CCDC178: variants seen among roughly 807,000 people sequenced by gnomAD.
CCDC178 encodes the protein coiled-coil domain-containing protein 178.
CCDC178 carries 126 observed loss-of-function variants against 117.4 expected under a neutral mutation model. The ratio of observed to expected loss-of-function variants is 1.07; its 90% confidence interval spans 0.93 to 1.24. The LOEUF (loss-of-function observed/expected upper bound fraction) is 1.24. Ranked by LOEUF, CCDC178 falls within the 50% of genes most tolerant of loss-of-function variation. CCDC178 has a pLI of 0.00. For synonymous variants in CCDC178, 283 were observed against 313.4 expected (o/e 0.90, Z 1.02); for missense variants, 1,030 against 986.9 (o/e 1.04, Z -0.59).
At chr18:33,008,135 G>A (rs574127571) in intron 21 of CCDC178, among the ~76,000 whole-genome samples, 1 of 151,966 alleles carries the variant, frequency 6.6e-6, no homozygotes, top group Non-Finnish European at 1.5e-5. Context: ...TGCAACTTGA[G>A]GTCCAATGAC....
At chr18:33,130,527 G>A (rs1325471757) in intron 20 of CCDC178, among the ~76,000 whole-genome samples, 2 of 151,946 alleles carry the variant, frequency 1.3e-5, no homozygotes, top group Non-Finnish European at 2.9e-5. Context: ...AGGTTATTCA[G>A]CTAGCATATG....
chr18:33,314,200 C>CAAAAAAAAAAAAAAAAAA (rs869127341), intron 11 of CCDC178, among the ~76,000 whole-genome samples: 1 of 62,426 alleles, frequency 1.6e-5, no homozygotes, highest in African/African-American at 6.4e-5. Context: ...GACTCCGTCT[C>CAAAAAAAAAAAAAAAAAA]AAAAAAAAAA....
chr18:33,435,702 T>C (rs150725872), intron 2 of CCDC178, among the ~76,000 whole-genome samples: 6 of 150,328 alleles, frequency 4.0e-5, no homozygotes, highest in African/African-American at 1.5e-4. Context: ...ATATTTATTA[T>C]TATAATACAA....
chr18:33,025,024 A>G (rs529906731), intron 21 of CCDC178, among the ~76,000 whole-genome samples: 4 of 152,294 alleles, frequency 2.6e-5, no homozygotes, highest in Middle Eastern at 3.4e-3. Context: ...AATAGTGTTA[A>G]CTGCAGACCA....
At chr18:33,295,333 T>C (rs1464629147) in intron 11 of CCDC178, among the ~76,000 whole-genome samples, 1 of 152,146 alleles carries the variant, frequency 6.6e-6, no homozygotes, top group Non-Finnish European at 1.5e-5. Context: ...AAATATAAAT[T>C]GTAAACCTAT....
At chr18:33,304,938 A>G (rs925113922) in intron 11 of CCDC178, among the ~76,000 whole-genome samples, 6 of 152,074 alleles carry the variant, frequency 3.9e-5, no homozygotes, top group Non-Finnish European at 7.4e-5. Flanking sequence ...TTAATGTTCA[A>G]CCTCTTCATT....
At position 33,047,084 on chromosome 18, in the gene CCDC178, G is replaced by A. The variant is rs147855046; in HGVS notation, c.2388+45677C>T. On this transcript the variant is annotated intron_variant, in intron 21 of 22. Transcript: ENST00000383096. ...AAATACATATAATGACTTTGTGGGC[G>A]TTGCATAATGGTACACACAACTGTC... is the stretch of plus-strand genomic sequence containing the variant. Among the ~76,000 whole-genome samples, 142 of 152,174 alleles carry A rather than the reference G, an allele frequency of 9.3e-4. 1 individual carries two copies. Among genetic ancestry groups the A allele is most frequent in the Middle Eastern group, 3.4e-3 (1 of 294 alleles).
Position 33,194,033 on chromosome 18 carries a change from G to C in CCDC178, c.2238+17863C>G, listed in dbSNP as rs182779484. Among the ~76,000 whole-genome samples the C allele has an allele frequency of 4.6e-5, 7 of 152,264 alleles. No individual in the cohort carries two copies. The East Asian group carries it at 1.2e-3, about 25-fold the overall frequency. On this transcript the variant is annotated intron_variant, in intron 20 of 22. Transcript: ENST00000383096. ...TATTAATCCCACCCATGAAGGCAGA[G>C]CACTCATGGCCTGAACACCCTCCGA...
At chr18:33,015,583 A>AAC (rs1555627859) in intron 21 of CCDC178, among the ~76,000 whole-genome samples, 3 of 151,618 alleles carry the variant, frequency 2.0e-5, no homozygotes, top group African/African-American at 7.3e-5. Flanking sequence ...CAACAACAAC[A>AAC]AACAACAACA....
Position 33,193,139 on chromosome 18 carries a change from T to C in CCDC178, c.2238+18757A>G, listed in dbSNP as rs1272402068. Among the ~76,000 whole-genome samples the C allele has an allele frequency of 2.7e-5, 4 of 150,512 alleles. No individual in the cohort carries two copies. In the South Asian group the frequency reaches 6.3e-4, roughly 24 times the overall value. On this transcript the variant is annotated intron_variant, in intron 20 of 22. Transcript: ENST00000383096. Reference sequence around the variant, plus strand: ...TTAGCCGGGCGTGGTGGCAGGCGCCTGTAGTCGCAGCTACCTGGGAGGCTG... The same window carrying C: ...TTAGCCGGGCGTGGTGGCAGGCGCCCGTAGTCGCAGCTACCTGGGAGGCTG...
intron 21 of CCDC178, among the ~76,000 whole-genome samples, chr18:33,031,998 G>T (rs1267838255): frequency 6.6e-6 from 1 of 152,010 alleles, no homozygotes; most frequent in Non-Finnish European, 1.5e-5. Context: ...AATCATAAAA[G>T]ATAACACAGT....
At chr18:33,228,759 A>G (rs2059337451) in intron 15 of CCDC178, among the ~76,000 whole-genome samples, 1 of 152,152 alleles carries the variant, frequency 6.6e-6, no homozygotes, top group Admixed American at 6.6e-5. Context: ...TGCCAATTGC[A>G]TACTTACACA....
intron 20 of CCDC178, among the ~76,000 whole-genome samples, chr18:33,105,915 G>C (rs914796667): frequency 6.6e-6 from 1 of 151,574 alleles, no homozygotes; most frequent in African/African-American, 2.4e-5. Context: ...AATGACTGTA[G>C]TTGATTTTCA....
At chr18:33,116,864 A>G (rs1274392190) in intron 20 of CCDC178, among the ~76,000 whole-genome samples, 1 of 123,984 alleles carries the variant, frequency 8.1e-6, no homozygotes, top group Non-Finnish European at 1.7e-5. Flanking sequence ...TGCAGACATC[A>G]CCTGAAAGCA....
intron 2 of CCDC178, among the ~76,000 whole-genome samples, chr18:33,433,790 T>TTG (rs5823897): frequency 0.64 from 95,785 of 149,300 alleles, 30,995 homozygotes; most frequent in South Asian, 0.79. Flanking sequence ...ATAGCAGAAT[T>TTG]TGTGTGTGTG....
At chr18:33,162,349 G>C (rs1482522687) in intron 20 of CCDC178, among the ~76,000 whole-genome samples, 1 of 152,098 alleles carries the variant, frequency 6.6e-6, no homozygotes, top group Non-Finnish European at 1.5e-5. Context: ...AAAATAATTT[G>C]TTAAAGTTCA....
At chr18:33,302,650 T>C (rs1330789358) in intron 11 of CCDC178, among the ~76,000 whole-genome samples, 1 of 152,212 alleles carries the variant, frequency 6.6e-6, no homozygotes, top group Non-Finnish European at 1.5e-5. Context: ...AAATGTGATA[T>C]GTATACACGA....
At chr18:33,350,195 C>T (rs1456536525) in intron 7 of CCDC178, among the ~76,000 whole-genome samples, 3 of 151,974 alleles carry the variant, frequency 2.0e-5, no homozygotes, top group Admixed American at 6.6e-5. Flanking sequence ...AATTATTATA[C>T]ATAATTAGAT....
chr18:33,007,296 G>T (rs2055772175), intron 21 of CCDC178, among the ~76,000 whole-genome samples: 2 of 151,838 alleles, frequency 1.3e-5, no homozygotes, highest in South Asian at 4.1e-4. Flanking sequence ...TGTTGTGGGG[G>T]TTCTATGGTA....
Sources: allele counts gnomAD v4.1 joint callset (sites outside exome capture counted in the v4.1 genomes callset), GRCh38; gene constraint gnomAD v4.1.1; transcripts MANE v1.5; gene names NCBI Gene and HGNC (gene_info 2026-07-23, HGNC 2026-07-21).